The following GRIK1 variants were observed in gnomAD, a reference collection of about 807,000 sequenced individuals.
GRIK1 encodes the protein glutamate ionotropic receptor kainate type subunit 1, also known as glutamate receptor ionotropic, kainate 1.
In GRIK1, 69 loss-of-function variants were observed where a neutral mutation model predicts 105.7. The ratio of observed to expected loss-of-function variants is 0.65; its 90% CI spans 0.54 to 0.80. The LOEUF is 0.80. Among genes scored for constraint, GRIK1 ranks in the 30% least tolerant of loss-of-function variants. The probability of loss-of-function intolerance (pLI) is 0.00; values close to 1 mark genes in which losing one functional copy is unlikely to be tolerated. For synonymous variants in GRIK1, 438 were observed against 431.3 expected, an observed-to-expected ratio of 1.02 and a Z score of -0.19; for missense variants, 1,109 against 1,167.3, an observed-to-expected ratio of 0.95 and a Z score of 0.73.
chr21:29,862,892 G>A (rs2068690956), intron 1 of GRIK1, among the ~76,000 whole-genome samples: 2 of 152,200 alleles, frequency 1.3e-5, no homozygotes, highest in African/African-American at 2.4e-5. Context: ...TAATTACCCA[G>A]CAGGTGAAAT....
rs113671227 is a variant in GRIK1 at position 29,563,118 on chromosome 21, T to C, written c.2131-1269A>G. 8.6e-3 allele frequency among the ~76,000 whole-genome samples: 1,306 copies of C among 152,302 alleles called. 21 individuals carry two copies. The highest frequency in any genetic ancestry group is 0.029 in the African/African-American group (1,225 of 41,548). On this transcript the variant is annotated intron_variant, in intron 14 of 17. Transcript: ENST00000327783. ...TTTAAGCTAACCCCAGTTATCACAG[T>C]TATATATAGTGCTCGCACACATTAG... is the stretch of plus-strand genomic sequence containing the variant.
chr21:29,890,966 A>T (rs2069875202), intron 1 of GRIK1, among the ~76,000 whole-genome samples: 1 of 152,170 alleles, frequency 6.6e-6, no homozygotes, highest in Non-Finnish European at 1.5e-5. Context: ...TATCTGTATC[A>T]AGAAGCTATT....
At chr21:29,930,424 G>A (rs1371057988) in intron 1 of GRIK1, among the ~76,000 whole-genome samples, 3 of 152,086 alleles carry the variant, frequency 2.0e-5, no homozygotes, top group South Asian at 2.1e-4. Context: ...ATGAAAGAAA[G>A]TAAGAACACT....
At chr21:29,883,379 A>G (rs1163584066) in intron 1 of GRIK1, among the ~76,000 whole-genome samples, 1 of 152,048 alleles carries the variant, frequency 6.6e-6, no homozygotes, top group African/African-American at 2.4e-5. Context: ...AGAATTCTCA[A>G]GTATATAGAT....
intron 1 of GRIK1, among the ~76,000 whole-genome samples, chr21:29,733,837 T>C (rs184468031): frequency 1.3e-5 from 2 of 152,162 alleles, no homozygotes; most frequent in Non-Finnish European, 2.9e-5. Flanking sequence ...TTAAAAGAGA[T>C]GCACAGTAGC....
intron 4 of GRIK1, among the ~76,000 whole-genome samples, chr21:29,666,599 A>G (rs547591273): frequency 7.3e-4 from 111 of 152,224 alleles, no homozygotes; most frequent in African/African-American, 2.3e-3. Flanking sequence ...AACACCTTCA[A>G]TCAGTGCTCA....
chr21:29,692,775 A>G (rs2063609258), intron 2 of GRIK1, among the ~76,000 whole-genome samples: 1 of 152,108 alleles, frequency 6.6e-6, no homozygotes, highest in Non-Finnish European at 1.5e-5. Context: ...GGGTTTCACC[A>G]TGTTAGACAG....
chr21:29,908,653 A>G (rs552514505), intron 1 of GRIK1, among the ~76,000 whole-genome samples: 13 of 152,336 alleles, frequency 8.5e-5, no homozygotes, highest in African/African-American at 2.6e-4. Flanking sequence ...TGTCTGGTCA[A>G]TGTGATTCAT....
At chr21:29,937,823 A>G (rs2071821428) in intron 1 of GRIK1, among the ~76,000 whole-genome samples, 1 of 151,204 alleles carries the variant, frequency 6.6e-6, no homozygotes, top group African/African-American at 2.4e-5. Context: ...CAGGGTGAGT[A>G]GAGTTGATTG....
intron 1 of GRIK1, among the ~76,000 whole-genome samples, chr21:29,737,266 A>G (rs2064817955): frequency 6.6e-6 from 1 of 152,200 alleles, no homozygotes; most frequent in East Asian, 1.9e-4. Flanking sequence ...CTTGAAGCAC[A>G]AAGAAACTGT....
chr21:29,767,604 C>T (rs1448557803), intron 1 of GRIK1, among the ~76,000 whole-genome samples: 2 of 151,812 alleles, frequency 1.3e-5, no homozygotes, highest in African/African-American at 4.8e-5. Context: ...GGAAGAAGTA[C>T]CCCATTAATA....
rs1209961258 is a variant in GRIK1 at position 29,867,181 on chromosome 21, G to GGCA, written c.118+72201_118+72202insTGC. Among the ~76,000 whole-genome samples the GGCA allele has an allele frequency of 5.3e-5, 8 of 152,268 alleles. No homozygotes were observed. The South Asian group carries it at 8.3e-4, about 16-fold the overall frequency. ...TCTGTTAGAATTTAGAAGCATTGAA[G>GGCA]ACCACTTAGCTTGCCTCTTAGTGTG... is the stretch of plus-strand genomic sequence containing the variant. On this transcript the variant is annotated intron_variant, in intron 1 of 17. Transcript: ENST00000327783.
At chr21:29,653,196 C>T (rs769132841) in intron 5 of GRIK1, among the ~76,000 whole-genome samples, 1 of 152,128 alleles carries the variant, frequency 6.6e-6, no homozygotes. Flanking sequence ...CGGTAGCACA[C>T]TCAGTGAATA....
At chr21:29,635,527 A>G (rs932430808) in intron 7 of GRIK1, among the ~76,000 whole-genome samples, 17 of 152,310 alleles carry the variant, frequency 1.1e-4, no homozygotes, top group African/African-American at 4.1e-4. Flanking sequence ...GCAGCTGAAG[A>G]CGCAGAAGAC....
intron 4 of GRIK1, among the ~76,000 whole-genome samples, chr21:29,672,109 G>T (rs1403767620): frequency 6.7e-6 from 1 of 149,726 alleles, no homozygotes; most frequent in Non-Finnish European, 1.5e-5. Context: ...CCAGGCTGGA[G>T]TGCAATGGTG....
intron 3 of GRIK1, among the ~76,000 whole-genome samples, chr21:29,677,838 A>C (rs1261454200): frequency 6.6e-6 from 1 of 152,204 alleles, no homozygotes; most frequent in Non-Finnish European, 1.5e-5. Context: ...AATAGCAGGA[A>C]TTGGAAGAGA....
intron 16 of GRIK1, among the ~76,000 whole-genome samples, chr21:29,538,609 T>G (rs2089920013): frequency 6.6e-6 from 1 of 152,098 alleles, no homozygotes; most frequent in South Asian, 2.1e-4. Context: ...AACCATAGCC[T>G]TTGGTAAAGG....
intron 1 of GRIK1, among the ~76,000 whole-genome samples, chr21:29,811,790 A>G (rs2067015798): frequency 6.6e-6 from 1 of 152,124 alleles, no homozygotes; most frequent in East Asian, 1.9e-4. Context: ...TATAGTCTAG[A>G]TGCCTTCTCC....
intron 1 of GRIK1, among the ~76,000 whole-genome samples, chr21:29,735,809 T>C (rs1221036199): frequency 7.2e-6 from 1 of 138,216 alleles, no homozygotes; most frequent in African/African-American, 2.7e-5. Context: ...ATCGCGCCAC[T>C]GCACTCCAGC....
Sources: gnomAD v4.1 joint callset for allele counts (sites outside exome capture counted in the v4.1 genomes callset) on GRCh38, gnomAD v4.1.1 for gene constraint, MANE v1.5 for transcripts, NCBI Gene and HGNC (gene_info 2026-07-23, HGNC 2026-07-21) for gene names.